MYH10: variants seen among roughly 807,000 people sequenced by gnomAD.
MYH10 encodes the protein myosin heavy chain 10, also known as myosin-10.
MYH10 carries 55 observed loss-of-function variants against 257.8 expected under a neutral mutation model. The ratio of observed to expected loss-of-function variants is 0.21; its 90% CI spans 0.17 to 0.27. The LOEUF (loss-of-function observed/expected upper bound fraction) is 0.27, where lower values mean the gene tolerates loss of function less well. Ranked by LOEUF, MYH10 falls within the 10% of genes least tolerant of loss-of-function variation. The probability of loss-of-function intolerance (pLI) is 1.00; values close to 1 mark genes in which losing one functional copy is unlikely to be tolerated. For missense variants in MYH10, 1,631 were observed against 2,500.6 expected, an observed-to-expected ratio of 0.65 and a Z score of 7.42; for synonymous variants, 854 against 921.7, an observed-to-expected ratio of 0.93 and a Z score of 1.33.
intron 37 of MYH10, among the ~76,000 whole-genome samples, chr17:8,482,850 A>G (rs962778612): frequency 6.6e-6 from 1 of 152,264 alleles, no homozygotes; most frequent in African/African-American, 2.4e-5. Flanking sequence ...GCAGGCTCCA[A>G]CAGCCACATC....
chr17:8,557,799 T>C lies in MYH10; in HGVS notation c.757-3781A>G, dbSNP rs181542169. Among the ~76,000 whole-genome samples the C allele has an allele frequency of 7.2e-5, 11 of 152,296 alleles. No homozygotes were observed. The East Asian group carries it at 2.1e-3, about 29-fold the overall frequency. On this transcript the variant is annotated intron_variant, in intron 7 of 42. Transcript: ENST00000360416. ...ATCAAAACAAATGGCAAAAACAATA[T>C]TACTCTGGACATGAGTCTAACACAC...
intron 21 of MYH10, among the ~76,000 whole-genome samples, chr17:8,514,853 G>A (rs186470519): frequency 2.0e-5 from 3 of 152,190 alleles, no homozygotes; most frequent in South Asian, 2.1e-4. Flanking sequence ...AGAACTTAGC[G>A]GCTTTTCCTC....
chr17:8,629,583 A>T (rs1476037525), intron 1 of MYH10, among the ~76,000 whole-genome samples: 2 of 152,024 alleles, frequency 1.3e-5, no homozygotes, highest in Admixed American at 6.5e-5. Flanking sequence ...AAGCCCCCAC[A>T]AATGCCAGGA....
chr17:8,486,266 A>G (rs571783800), intron 36 of MYH10, among the ~76,000 whole-genome samples: 4 of 152,340 alleles, frequency 2.6e-5, no homozygotes, highest in African/African-American at 9.6e-5. Context: ...TGATGGCTGA[A>G]TAAGCCTATG....
At chr17:8,483,331 G>A (rs1914182881) in intron 37 of MYH10, among the ~76,000 whole-genome samples, 1 of 152,176 alleles carries the variant, frequency 6.6e-6, no homozygotes, top group Non-Finnish European at 1.5e-5. Context: ...AAAATGGTGA[G>A]ATAGAGGACA....
In MYH10 at chr17:8,506,399, A is replaced by G. The variant is rs1007967737; in HGVS notation, c.3305T>C (p.Ile1102Thr). The change falls in exon 27 of 43, where the codon ATC becomes ACC. Residue 1102 changes from isoleucine (I) to threonine (T), a missense_variant. Ile to Thr is a moderately conservative substitution (Grantham distance 89, BLOSUM62 -1). Coordinates refer to ENST00000360416, the MANE Select transcript of MYH10 (RefSeq NM_001256012.3). This position sits in a 1 kb window ranked among gnomAD's most constrained non-coding sequence, Gnocchi z 5.0. ...ATCAATCTGCGCCTGCAGCTCTGCG[A>G]TCTGGTCCTGCAGGTCGGTCGTCTC... is the stretch of plus-strand genomic sequence containing the variant. ...DGETTDLQDQ[I>T]AELQAQIDEL... 1 of 1,612,060 alleles carries G rather than the reference A, an allele frequency of 6.2e-7. No homozygotes were observed. The highest frequency in any genetic ancestry group is 1.3e-5 in the African/African-American group (1 of 74,718).
intron 3 of MYH10, among the ~76,000 whole-genome samples, chr17:8,603,617 C>T (rs2084690905): frequency 6.6e-6 from 1 of 152,110 alleles, no homozygotes. Flanking sequence ...AGTTTGCTCA[C>T]TAATACAAAC....
rs763076162 is a variant in MYH10 at position 8,490,440 on chromosome 17, C to T, written c.4784G>A (p.Arg1595His). The T allele has an allele frequency of 1.3e-5, 21 of 1,614,100 alleles. No homozygotes were observed. The highest frequency in any genetic ancestry group is 4.5e-5 in the East Asian group (2 of 44,894). ...ELQATEDAKL[R>H]LEVNMQAMKA... The stretch of plus-strand genomic sequence containing the variant: ...CATGGCCTGCATGTTGACCTCCAGA[C>T]GAAGCTTGGCATCTTCCGTGGCCTG... The change falls in exon 35 of 43, where the codon CGT (arginine) becomes CAT (histidine). Residue 1595 changes from arginine (R) to histidine (H), a missense_variant. Physicochemically the swap from Arg to His is conservative, Grantham distance 29 (BLOSUM62 0). Transcript: ENST00000360416. The surrounding 1 kb of genome is among the most constrained non-coding windows in gnomAD (Gnocchi z 4.1).
At chr17:8,611,212 C>T (rs1030599530) in intron 2 of MYH10, among the ~76,000 whole-genome samples, 1 of 152,158 alleles carries the variant, frequency 6.6e-6, no homozygotes, top group Non-Finnish European at 1.5e-5. Context: ...AGAAACAGAC[C>T]AGCCCTCACA....
chr17:8,531,272 G>C (rs1388356596), intron 16 of MYH10, among the ~76,000 whole-genome samples: 1 of 151,942 alleles, frequency 6.6e-6, no homozygotes, highest in Admixed American at 6.6e-5. Flanking sequence ...AATTATAAGC[G>C]AGATTATACT....
At chr17:8,527,267 TAA>T (rs1347382300) in intron 17 of MYH10, among the ~76,000 whole-genome samples, 4 of 152,172 alleles carry the variant, frequency 2.6e-5, no homozygotes, top group Admixed American at 2.6e-4. Flanking sequence ...CCCAGGAAGT[TAA>T]GAGGTTGACA....
At chr17:8,595,878 A>G (rs2084350389) in intron 3 of MYH10, among the ~76,000 whole-genome samples, 1 of 152,220 alleles carries the variant, frequency 6.6e-6, no homozygotes, top group Admixed American at 6.5e-5. Flanking sequence ...AATCACTATT[A>G]AATGTTCCTT....
intron 3 of MYH10, among the ~76,000 whole-genome samples, chr17:8,591,349 G>C (rs1173263430): frequency 6.6e-6 from 1 of 152,164 alleles, no homozygotes; most frequent in African/African-American, 2.4e-5. Context: ...CCCAGTGCTA[G>C]GTGCCATGTG....
chr17:8,598,932 C>T (rs2084490833), intron 3 of MYH10, among the ~76,000 whole-genome samples: 1 of 152,166 alleles, frequency 6.6e-6, no homozygotes, highest in South Asian at 2.1e-4. Flanking sequence ...GTCTTGAACT[C>T]CTGAGCTCAA....
rs1301042816 is a variant in MYH10, at chr17:8,477,219, C to T, written c.5707-171G>A. Among the ~76,000 whole-genome samples the T allele has an allele frequency of 6.6e-6, 1 of 152,092 alleles. No homozygotes were observed. The highest frequency in any genetic ancestry group is 2.4e-5 in the African/African-American group (1 of 41,418). On this transcript the variant is annotated intron_variant, in intron 41 of 42. Coordinates refer to ENST00000360416, the MANE Select transcript of MYH10 (RefSeq NM_001256012.3). This position sits in a 1 kb window ranked among gnomAD's most constrained non-coding sequence, Gnocchi z 4.2. The stretch of plus-strand genomic sequence containing the variant: ...GGTCGGAGGCTCTGTAACCGGCCTG[C>T]CGCTCTCAGCAAAGCTAGCATCTAC...
chr17:8,570,468 G>T (rs540654231), intron 6 of MYH10, among the ~76,000 whole-genome samples: 16 of 152,148 alleles, frequency 1.1e-4, no homozygotes, highest in Admixed American at 1.3e-4. Flanking sequence ...ACAAAAGGTG[G>T]AAATATATTA....
chr17:8,567,936 G>A (rs1477012100), intron 7 of MYH10, among the ~76,000 whole-genome samples: 1 of 152,172 alleles, frequency 6.6e-6, no homozygotes, highest in Non-Finnish European at 1.5e-5. Context: ...ACTTGACTAA[G>A]GACAAGGATA....
intron 2 of MYH10, 65 bp from the exon 3 acceptor site, chr17:8,605,047 C>T: frequency 1.2e-6 from 1 of 839,272 alleles, no homozygotes; most frequent in Non-Finnish European, 1.7e-6. Context: ...AGGGTCCAAT[C>T]AGGAGACAGA....
chr17:8,614,307 C>CTTTTTTTTTTTTT lies in MYH10; in HGVS notation c.345+8582_345+8594dup, dbSNP rs35801623. On this transcript the variant is annotated intron_variant, in intron 2 of 42. Coordinates refer to ENST00000360416, the MANE Select transcript of MYH10 (RefSeq NM_001256012.3). ...GATTTAGAAAGTAAGCAATTCACTTCTTTTTTTTTTTTTTTTTTTTTTTTT... is the reference window on the plus strand; with the variant it reads ...GATTTAGAAAGTAAGCAATTCACTTCTTTTTTTTTTTTTTTTTTTTTTTTTTTTTTTTTTTTTT... 1.0e-4 allele frequency among the ~76,000 whole-genome samples: 8 copies of CTTTTTTTTTTTTT among 77,124 alleles called. 2 individuals carry two copies. The highest frequency in any genetic ancestry group is 1.7e-4 in the Non-Finnish European group (7 of 40,682). The allele number at this position is 77,124 out of a possible 152,430, so 50.6% of individuals were successfully genotyped here.
Sources: gnomAD v4.1 joint callset for allele counts (sites outside exome capture counted in the v4.1 genomes callset) on GRCh38, gnomAD v4.1.1 for gene constraint, Gnocchi (gnomAD v3.1) non-coding constraint, MANE v1.5 for transcripts, NCBI Gene and HGNC (gene_info 2026-07-23, HGNC 2026-07-21) for gene names.